The following THAP4 variants were observed in gnomAD, a reference collection of about 807,000 sequenced individuals.
THAP4 encodes peroxynitrite isomerase THAP4.
THAP4 carries 18 observed loss-of-function variants against 48.1 expected under a neutral mutation model. The observed-to-expected ratio is 0.37, with a 90% confidence interval of 0.26 to 0.56. THAP4 has a LOEUF of 0.56. Ranked by LOEUF, THAP4 falls within the 20% of genes least tolerant of loss-of-function variation. THAP4 has a pLI of 0.78. For missense variants in THAP4, 656 were observed against 774.9 expected (o/e 0.85, Z 1.82); for synonymous variants, 345 against 324.9 (o/e 1.06, Z -0.66).
intron 5 of THAP4, among the ~76,000 whole-genome samples, chr2:241,589,377 A>G (rs991798900): frequency 6.6e-6 from 1 of 152,164 alleles, no homozygotes. Context: ...AACAAACAAC[A>G]GGCTCTTACA....
intron 2 of THAP4, among the ~76,000 whole-genome samples, chr2:241,617,009 A>G (rs1389969593): frequency 6.6e-6 from 1 of 152,180 alleles, no homozygotes; most frequent in African/African-American, 2.4e-5. Flanking sequence ...ACGTGGCAGC[A>G]GCCTAGCCAC....
chr2:241,617,716 C>T (rs565167136), intron 2 of THAP4, among the ~76,000 whole-genome samples: 126 of 152,270 alleles, frequency 8.3e-4, no homozygotes, highest in Non-Finnish European at 1.4e-3. Context: ...CGGCTTCTAC[C>T]CTCAGCCTCC....
In THAP4 at chr2:241,633,762, C is replaced by G; in HGVS notation, c.395G>C (p.Ser132Thr). 6.2e-7 allele frequency: 1 copy of G among 1,613,212 alleles called. No homozygotes were observed. Among genetic ancestry groups the G allele is most frequent in the Non-Finnish European group, 8.5e-7 (1 of 1,179,386 alleles). The change falls in exon 2 of 6, where the codon AGT becomes ACT. Residue 132 changes from serine (S) to threonine (T), a missense_variant. Transcript: ENST00000407315. The surrounding 1 kb of genome is among the most constrained non-coding windows in gnomAD (Gnocchi z 7.5). Reference protein sequence around the residue: ...RGAAGWSPSSSGNPMAKPESR... With the variant: ...RGAAGWSPSSTGNPMAKPESR... Reference sequence around the variant, plus strand: ...CTCTGGCTTGGCCATCGGGTTTCCACTCGAGGACGGTGACCAACCTGCAGC... The same window carrying G: ...CTCTGGCTTGGCCATCGGGTTTCCAGTCGAGGACGGTGACCAACCTGCAGC...
At chr2:241,605,290 C>G (rs1306196349) in intron 3 of THAP4, among the ~76,000 whole-genome samples, 2 of 152,056 alleles carry the variant, frequency 1.3e-5, no homozygotes, top group Non-Finnish European at 2.9e-5. Flanking sequence ...GGTGCCCAGC[C>G]CCGTTCTGAA....
In THAP4 at chr2:241,592,557, C is replaced by T. The variant is rs568922153; in HGVS notation, c.1615-7832G>A. Among the ~76,000 whole-genome samples the T allele has an allele frequency of 3.3e-5, 5 of 152,266 alleles. No individual in the cohort carries two copies. The East Asian group carries it at 9.7e-4, about 29-fold the overall frequency. On this transcript the variant is annotated intron_variant, in intron 5 of 5. Transcript: ENST00000407315. ...GAGGCATTGCTACCCTCTGTGGGGCCTGCAGTCTGGGCCATGCCCACCAAC... is the reference window on the plus strand; with the variant it reads ...GAGGCATTGCTACCCTCTGTGGGGCTTGCAGTCTGGGCCATGCCCACCAAC...
intron 5 of THAP4, chr2:241,594,579 A>C (rs952679261): frequency 1.6e-4 from 57 of 354,838 alleles, no homozygotes; most frequent in African/African-American, 1.1e-3. Flanking sequence ...ACAAAAAACA[A>C]AACAAAACAA....
At chr2:241,590,527 T>C (rs1468825847) in intron 5 of THAP4, among the ~76,000 whole-genome samples, 29 of 79,002 alleles carry the variant, frequency 3.7e-4, no homozygotes, top group Admixed American at 6.2e-4. Context: ...ACAGAGCTGC[T>C]CGGCTGATGA....
chr2:241,628,605 A>G (rs1020435136), intron 2 of THAP4, among the ~76,000 whole-genome samples: 2 of 150,752 alleles, frequency 1.3e-5, no homozygotes, highest in Non-Finnish European at 2.9e-5. Context: ...AGCCATCGCC[A>G]TCTACCCTGG....
At chr2:241,606,282 C>A in intron 3 of THAP4, 32 bp downstream of exon 3, 1 of 1,524,584 alleles carries the variant, frequency 6.6e-7, no homozygotes, top group South Asian at 1.2e-5. Flanking sequence ...GCCCATGAGT[C>A]AAGCAGGGTG....
chr2:241,603,141 T>C lies in THAP4; in HGVS notation c.1401-62A>G. 3 of 1,378,720 alleles carry C rather than the reference T, an allele frequency of 2.2e-6. No individual in the cohort carries two copies. The South Asian group carries it at 3.5e-5, about 16-fold the overall frequency. 85.4% of individuals were successfully genotyped at this position (1,378,720 alleles called of 1,614,324 possible). A position where few individuals can be genotyped will look rare whatever the true frequency, so the allele number is the denominator to read the frequency against. On this transcript the variant is annotated intron_variant, in intron 3 of 5. Transcript: ENST00000407315. ...GGCCTCCAAGATGGCGTGGGCTGCG[T>C]GGATGCCAGAACTGTCCAGGGTGCC...
At chr2:241,589,284 G>C (rs1486568049) in intron 5 of THAP4, among the ~76,000 whole-genome samples, 8 of 150,732 alleles carry the variant, frequency 5.3e-5, no homozygotes, top group Admixed American at 5.3e-4. Flanking sequence ...TCTTCAAATG[G>C]TACTGTCTAG....
chr2:241,633,379 T>C lies in THAP4; in HGVS notation c.778A>G (p.Arg260Gly). Residue 260 changes from arginine to glycine, a missense_variant, in exon 2 of 6, where the codon AGG becomes GGG. Physicochemically the swap from Arg to Gly is moderately radical, Grantham distance 125. This residue lies in a region of THAP4 where 391 missense variants were observed against 412.4 expected (regional missense o/e 0.95). Transcript: ENST00000407315. This position sits in a 1 kb window ranked among gnomAD's most constrained non-coding sequence, Gnocchi z 7.5. The part of the protein sequence containing the change: ...SVPREPIDRK[R>G]LKKDVEPSCS... ...CTTGGTTCCACATCTTTCTTCAGCC[T>C]CTTGCGGTCAATGGGCTCTCGGGGG... 1 of 1,613,000 alleles carries C rather than the reference T, an allele frequency of 6.2e-7. No homozygotes were observed.
chr2:241,614,015 A>G (rs1040152908), intron 2 of THAP4, among the ~76,000 whole-genome samples: 2 of 152,088 alleles, frequency 1.3e-5, no homozygotes, highest in African/African-American at 4.8e-5. Flanking sequence ...TTAGCCAGGC[A>G]TGGTGGTGCG....
At chr2:241,607,672 G>T (rs554786869) in intron 2 of THAP4, among the ~76,000 whole-genome samples, 1 of 150,048 alleles carries the variant, frequency 6.7e-6, no homozygotes, top group East Asian at 2.0e-4. Context: ...CTGACCCCCG[G>T]CGTCTCCTCC....
chr2:241,633,020 C>T lies in THAP4; in HGVS notation c.1137G>A (p.Arg379=), dbSNP rs772530522. 2 of 1,613,780 alleles carry T rather than the reference C, an allele frequency of 1.2e-6. No individual in the cohort carries two copies. The highest frequency in any genetic ancestry group is 1.7e-6 in the Non-Finnish European group (2 of 1,179,988). ...GCACCTGGCTGTCGGAGCGGCTGAC[C>T]CTCTGCCGCAGGCTCTTCAGCTCGC... The part of the protein sequence containing the change: ...KNGELKSLRQ[R]VSRSDSQVRK... The change falls in exon 2 of 6, where the codon AGG becomes AGA. Residue 379 remains arginine (R), a synonymous_variant. Transcript: ENST00000407315. The surrounding 1 kb of genome is among the most constrained non-coding windows in gnomAD (Gnocchi z 7.5).
rs556802608 is a variant in THAP4 at position 241,610,595 on chromosome 2, G to C, written c.1241-4122C>G. 1.3e-3 allele frequency among the ~76,000 whole-genome samples: 191 copies of C among 152,020 alleles called. 4 individuals carry two copies. In the South Asian group the frequency reaches 0.017, roughly 14 times the overall value. The stretch of plus-strand genomic sequence containing the variant: ...CGGAGGCCCCGCCCTCCCCACTCCT[G>C]CTTCCCCAGCCACGGGGTCTTCTCC... On this transcript the variant is annotated intron_variant, in intron 2 of 5. Transcript: ENST00000407315. This position sits in a 1 kb window ranked among gnomAD's most constrained non-coding sequence, Gnocchi z 4.2.
chr2:241,611,584 C>G (rs1270154788), intron 2 of THAP4, among the ~76,000 whole-genome samples: 1 of 152,036 alleles, frequency 6.6e-6, no homozygotes, highest in Non-Finnish European at 1.5e-5. Flanking sequence ...ACTAGCCGGG[C>G]GTGGTGGCGG....
chr2:241,615,213 G>C (rs2067324327), intron 2 of THAP4, among the ~76,000 whole-genome samples: 1 of 152,154 alleles, frequency 6.6e-6, no homozygotes, highest in Admixed American at 6.5e-5. Context: ...GGCTTGGAGG[G>C]GAGTGCAAAG....
chr2:241,621,773 G>A (rs2067431570), intron 2 of THAP4, among the ~76,000 whole-genome samples: 1 of 152,012 alleles, frequency 6.6e-6, no homozygotes, highest in Non-Finnish European at 1.5e-5. Context: ...ACAGATCCAG[G>A]AAGCTCGGAA....
Sources: gnomAD v4.1 joint callset for allele counts (sites outside exome capture counted in the v4.1 genomes callset) on GRCh38, gnomAD v4.1.1 for gene constraint, gnomAD v4.1.1 regional missense constraint, Gnocchi (gnomAD v3.1) non-coding constraint, MANE v1.5 for transcripts, NCBI Gene and HGNC (gene_info 2026-07-23, HGNC 2026-07-21) for gene names.